RC3H2: variants seen among roughly 807,000 people sequenced by gnomAD.
RC3H2 encodes the protein roquin-2.
Under a neutral mutation model 133.3 loss-of-function variants are expected in RC3H2, and 31 were observed. That is an observed-to-expected ratio of 0.23 (90% CI 0.17 to 0.31). The LOEUF is 0.31. Among genes scored for constraint, RC3H2 ranks in the 10% least tolerant of loss-of-function variants. The pLI, the probability that RC3H2 is intolerant of heterozygous loss-of-function variation, is 1.00. For synonymous variants in RC3H2, 517 were observed against 502.2 expected (o/e 1.03, Z -0.40); for missense variants, 1,175 against 1,437.2 (o/e 0.82, Z 2.95).
chr9:122,894,051 A>G (rs1475974581), intron 2 of RC3H2, among the ~76,000 whole-genome samples: 3 of 152,146 alleles, frequency 2.0e-5, no homozygotes, highest in East Asian at 1.9e-4. Flanking sequence ...CGAGGTCAGG[A>G]GATCGAGACC....
chr9:122,899,472 C>T (rs556342197), intron 1 of RC3H2, among the ~76,000 whole-genome samples: 1 of 152,158 alleles, frequency 6.6e-6, no homozygotes, highest in South Asian at 2.1e-4. Context: ...TAAAAAGCAC[C>T]CCTATACAAA....
At chr9:122,888,385 G>C (rs970733270) in intron 4 of RC3H2, among the ~76,000 whole-genome samples, 13 of 152,230 alleles carry the variant, frequency 8.5e-5, no homozygotes, top group African/African-American at 2.9e-4. Context: ...AAATATTTAT[G>C]TGGTTCCAAA....
chr9:122,855,981 C>A, intron 13 of RC3H2, 103 bp from the exon 14 acceptor site: 1 of 837,204 alleles, frequency 1.2e-6, no homozygotes, highest in South Asian at 2.8e-5. Context: ...GACTTCATAG[C>A]AAACAATTAT....
intron 9 of RC3H2, among the ~76,000 whole-genome samples, chr9:122,871,361 A>C (rs1831081553): frequency 6.6e-6 from 1 of 151,188 alleles, no homozygotes; most frequent in South Asian, 2.1e-4. Context: ...GCAGTGGCGC[A>C]ATCTCAGCTC....
At chr9:122,887,552 A>G (rs1242148915) in intron 4 of RC3H2, among the ~76,000 whole-genome samples, 2 of 152,058 alleles carry the variant, frequency 1.3e-5, no homozygotes, top group Non-Finnish European at 2.9e-5. Context: ...GCCTCCTTTT[A>G]GTGGGAAATG....
chr9:122,897,491 G>T lies in RC3H2; in HGVS notation c.19C>A (p.Gln7Lys), dbSNP rs1361669923. 6.2e-7 allele frequency: 1 copy of T among 1,613,440 alleles called. No individual in the cohort carries two copies. The highest frequency in any genetic ancestry group is 1.7e-5 in the Admixed American group (1 of 59,978). Residue 7 changes from glutamine to lysine, a missense_variant, in exon 2 of 21, where the codon CAA (glutamine) becomes AAA (lysine). Physicochemically the swap from Gln to Lys is moderately conservative, Grantham distance 53. This residue lies in a region of RC3H2 where 41 missense variants were observed against 88.0 expected (regional missense o/e 0.47). Transcript: ENST00000357244. The part of the protein sequence containing the change: MPVQAA[Q>K]WTEFLSCPIC... Reference sequence around the variant, plus strand: ...GGACAGGACAGAAATTCTGTCCATTGAGCTGCCTGCACAGGCATTGTGGAA... The same window carrying T: ...GGACAGGACAGAAATTCTGTCCATTTAGCTGCCTGCACAGGCATTGTGGAA...
intron 1 of RC3H2, among the ~76,000 whole-genome samples, 173 bp downstream of exon 1, chr9:122,904,937 C>G (rs1404745177): frequency 6.6e-6 from 1 of 152,184 alleles, no homozygotes; most frequent in Non-Finnish European, 1.5e-5. Context: ...GAGGGGCCTC[C>G]GCAGGGCCCG....
chr9:122,875,753 G>A (rs1831306562), intron 9 of RC3H2, among the ~76,000 whole-genome samples: 1 of 152,228 alleles, frequency 6.6e-6, no homozygotes, highest in Non-Finnish European at 1.5e-5. Flanking sequence ...CCTGAGGTGG[G>A]AAAGAGCACA....
intron 5 of RC3H2, among the ~76,000 whole-genome samples, chr9:122,881,744 T>C (rs942260433): frequency 6.6e-6 from 1 of 152,158 alleles, no homozygotes; most frequent in South Asian, 2.1e-4. Flanking sequence ...GCTGTAGCCT[T>C]GACTTTCTGG....
At chr9:122,874,979 TG>T in intron 9 of RC3H2, 1 of 546,872 alleles carries the variant, frequency 1.8e-6, no homozygotes, top group South Asian at 4.0e-5. Context: ...GGAATGGCAA[TG>T]AAACCACAGT....
chr9:122,871,358 C>T (rs1335762071), intron 9 of RC3H2, among the ~76,000 whole-genome samples: 2 of 151,614 alleles, frequency 1.3e-5, no homozygotes, highest in African/African-American at 4.9e-5. Context: ...AGTGCAGTGG[C>T]GCAATCTCAG....
rs1044490858 is a variant in RC3H2 at position 122,880,536 on chromosome 9, C to T, written c.960+58G>A. ...TTGTGTATAGACTCTTTAGAATATTCTAATACTCTTCAATGTAACAGCAAT... is the reference window on the plus strand; with the variant it reads ...TTGTGTATAGACTCTTTAGAATATTTTAATACTCTTCAATGTAACAGCAAT... On this transcript the variant is annotated intron_variant, in intron 6 of 20. Coordinates refer to ENST00000357244, the MANE Select transcript of RC3H2 (RefSeq NM_001100588.3). The T allele has an allele frequency of 7.5e-6, 10 of 1,327,088 alleles. No homozygotes were observed. In the African/African-American group the frequency reaches 1.4e-4, roughly 19 times the overall value. 82.2% of individuals were successfully genotyped at this position (1,327,088 alleles called of 1,614,324 possible). A position where few individuals can be genotyped will look rare whatever the true frequency, so the allele number is the denominator to read the frequency against.
At chr9:122,853,886 T>G in intron 18 of RC3H2, 66 bp downstream of exon 18, 3 of 1,614,178 alleles carry the variant, frequency 1.9e-6, no homozygotes, top group Non-Finnish European at 2.5e-6. Flanking sequence ...AGTAATGGTA[T>G]AACCAAGATG....
intron 4 of RC3H2, among the ~76,000 whole-genome samples, chr9:122,886,894 CAA>C (rs1333425105): frequency 2.6e-5 from 4 of 152,104 alleles, no homozygotes; most frequent in Non-Finnish European, 5.9e-5. Context: ...AGCTGTAGAA[CAA>C]AAGAGATGTG....
intron 10 of RC3H2, among the ~76,000 whole-genome samples, chr9:122,863,243 T>G (rs1018395600): frequency 1.3e-5 from 2 of 152,250 alleles, no homozygotes; most frequent in Admixed American, 1.3e-4. Context: ...CACATAATAG[T>G]ACTTCATTCC....
chr9:122,905,276 G>C lies in RC3H2; in HGVS notation c.-234C>G. Reference sequence around the variant, plus strand: ...GACAGCCCCGTTGGCGGCGGCGAAGGCCGCGACGGGGCCTCCTCCTCCTCC... The same window carrying C: ...GACAGCCCCGTTGGCGGCGGCGAAGCCCGCGACGGGGCCTCCTCCTCCTCC... On this transcript the variant is annotated 5_prime_UTR_variant, in exon 1 of 21. Transcript: ENST00000357244. 3 of 985,846 alleles carry C rather than the reference G, an allele frequency of 3.0e-6. No homozygotes were observed. The highest frequency in any genetic ancestry group is 2.4e-6 in the Non-Finnish European group (2 of 830,218). 61.1% of individuals were successfully genotyped at this position (985,846 alleles called of 1,614,324 possible).
chr9:122,850,462 T>G (rs183226524), intron 20 of RC3H2, among the ~76,000 whole-genome samples: 5 of 96,018 alleles, frequency 5.2e-5, no homozygotes, highest in African/African-American at 3.1e-4. Flanking sequence ...ATAGATAATT[T>G]TGAGATGGAG....
At position 122,877,598 on chromosome 9, in the gene RC3H2, A is replaced by G. The variant is rs755737939; in HGVS notation, c.1213-15T>C. Reference sequence around the variant, plus strand: ...TTTGGCTGAGGCTACAAAAATGGGAACACATTCAATGAGTGGCAAGGTGAA... The same window carrying G: ...TTTGGCTGAGGCTACAAAAATGGGAGCACATTCAATGAGTGGCAAGGTGAA... On this transcript the variant is annotated splice_polypyrimidine_tract_variant and intron_variant, in intron 8 of 20. Transcript: ENST00000357244. 67 of 1,602,720 alleles carry G rather than the reference A, an allele frequency of 4.2e-5. No individual in the cohort carries two copies. In the East Asian group the frequency reaches 1.5e-3, roughly 36 times the overall value.
intron 15 of RC3H2, 41 bp downstream of exon 15, chr9:122,855,143 G>A: frequency 7.3e-7 from 1 of 1,371,934 alleles, no homozygotes; most frequent in Non-Finnish European, 1.0e-6. Flanking sequence ...AAGGCATAGT[G>A]CTTAGAACAT....
Sources: allele counts gnomAD v4.1 joint callset (sites outside exome capture counted in the v4.1 genomes callset), GRCh38; gene constraint gnomAD v4.1.1; regional missense constraint gnomAD v4.1.1; transcripts MANE v1.5; gene names NCBI Gene and HGNC (gene_info 2026-07-23, HGNC 2026-07-21).